PLEKHM2: variants seen among roughly 807,000 people sequenced by gnomAD.
The protein encoded by PLEKHM2 is pleckstrin homology domain-containing family M member 2.
In PLEKHM2, 77 loss-of-function variants were observed where a neutral mutation model predicts 116.3. The ratio of observed to expected loss-of-function variants is 0.66; its 90% CI spans 0.55 to 0.80. The LOEUF (loss-of-function observed/expected upper bound fraction) is 0.80. Ranked by LOEUF, PLEKHM2 falls within the 30% of genes least tolerant of loss-of-function variation. The probability of loss-of-function intolerance (pLI) is 0.00; values close to 1 mark genes in which losing one functional copy is unlikely to be tolerated. For synonymous variants in PLEKHM2, 562 were observed against 571.0 expected, an observed-to-expected ratio of 0.98 and a Z score of 0.22; for missense variants, 1,183 against 1,354.9, an observed-to-expected ratio of 0.87 and a Z score of 1.99.
intron 1 of PLEKHM2, among the ~76,000 whole-genome samples, chr1:15,695,764 A>G (rs1274786320): frequency 2.0e-5 from 3 of 152,132 alleles, no homozygotes; most frequent in South Asian, 4.2e-4. Context: ...TCAGCCTCCC[A>G]AAGTGCTGGG....
At chr1:15,725,772 C>T (rs2068056578) in intron 8 of PLEKHM2, 3 of 572,552 alleles carry the variant, frequency 5.2e-6, no homozygotes, top group Admixed American at 6.1e-5. Context: ...GCGGCTTCCA[C>T]AACAGACATT....
upstream of PLEKHM2, chr1:15,681,551 A>G (rs763890061): frequency 4.2e-6 from 2 of 477,182 alleles, no homozygotes; most frequent in Admixed American, 4.5e-5. Context: ...ATTCAACAGC[A>G]GAGAAGAATC....
At chr1:15,731,155 G>A (rs1250976294) in intron 15 of PLEKHM2, 37 bp from the exon 16 acceptor site, 1 of 1,512,068 alleles carries the variant, frequency 6.6e-7, no homozygotes, top group Admixed American at 1.9e-5. Context: ...CCAGTTCCTG[G>A]GACAGGCCTC....
At chr1:15,717,783 A>G in intron 3 of PLEKHM2, 110 bp from the exon 4 acceptor site, 1 of 689,300 alleles carries the variant, frequency 1.5e-6, no homozygotes, top group Non-Finnish European at 2.6e-6. Context: ...AGGCCACTGA[A>G]GTGCCTGGTC....
chr1:15,731,581 G>A (rs111761867), intron 16 of PLEKHM2, among the ~76,000 whole-genome samples: 6 of 152,310 alleles, frequency 3.9e-5, no homozygotes, highest in Admixed American at 6.5e-5. Flanking sequence ...GGAAGCATGC[G>A]TGAATGAATG....
intron 1 of PLEKHM2, among the ~76,000 whole-genome samples, chr1:15,712,436 A>G (rs1032262879): frequency 8.5e-5 from 13 of 152,184 alleles, no homozygotes; most frequent in Non-Finnish European, 1.9e-4. Flanking sequence ...TTGGCTCAGC[A>G]GTTCCCCTTG....
Position 15,721,247 on chromosome 1 carries a change from A to AC in PLEKHM2, c.653-78dup. On this transcript the variant is annotated intron_variant, in intron 6 of 19. Coordinates refer to ENST00000375799, the MANE Select transcript of PLEKHM2 (RefSeq NM_015164.4). The surrounding 1 kb of genome is among the most constrained non-coding windows in gnomAD (Gnocchi z 5.1). The stretch of plus-strand genomic sequence containing the variant: ...CTCCTATTTTCTCCCCATGTCTCCC[A>AC]CCCCATTTCCCCTCCCCTCCCTCCA... The AC allele has an allele frequency of 2.0e-5, 12 of 601,910 alleles. No individual in the cohort carries two copies. The highest frequency in any genetic ancestry group is 7.8e-5 in the East Asian group (2 of 25,694). The allele number at this position is 601,910 out of a possible 1,614,324, so 37.3% of individuals were successfully genotyped here. A position where few individuals can be genotyped will look rare whatever the true frequency, so the allele number is the denominator to read the frequency against.
intron 1 of PLEKHM2, among the ~76,000 whole-genome samples, chr1:15,690,529 A>T (rs937155714): frequency 3.3e-5 from 5 of 152,218 alleles, no homozygotes; most frequent in African/African-American, 1.2e-4. Flanking sequence ...TTTATTTACA[A>T]AAATAGGTAT....
chr1:15,682,277 C>T (rs1249275461), upstream of PLEKHM2, among the ~76,000 whole-genome samples: 3 of 151,550 alleles, frequency 2.0e-5, no homozygotes, highest in African/African-American at 7.3e-5. Context: ...GGCGAAACCC[C>T]GTCTCTACTA....
intron 7 of PLEKHM2, chr1:15,723,440 C>T (rs1553160497): frequency 1.4e-5 from 2 of 140,210 alleles, no homozygotes; most frequent in South Asian, 2.3e-4. Context: ...TATTAAAAGA[C>T]AGCAGACTTA....
At chr1:15,692,733 A>G (rs1195659515) in intron 1 of PLEKHM2, among the ~76,000 whole-genome samples, 1 of 149,072 alleles carries the variant, frequency 6.7e-6, no homozygotes, top group Admixed American at 6.8e-5. Flanking sequence ...CACTGTGTCC[A>G]TGCCCCATTC....
intron 1 of PLEKHM2, among the ~76,000 whole-genome samples, chr1:15,689,579 A>C (rs1640847144): frequency 6.6e-6 from 1 of 152,366 alleles, no homozygotes; most frequent in South Asian, 2.1e-4. Context: ...ATCAGCAGTG[A>C]GAACCTTCTA....
chr1:15,727,728 G>A lies in PLEKHM2; in HGVS notation c.1656G>A (p.Gln552=). 2 of 1,598,956 alleles carry A rather than the reference G, an allele frequency of 1.3e-6. No homozygotes were observed. Among genetic ancestry groups the A allele is most frequent in the South Asian group, 1.1e-5 (1 of 88,310 alleles). The change falls in exon 9 of 20, where the codon CAG becomes CAA. Residue 552 remains glutamine (Q), a synonymous_variant. Coordinates refer to ENST00000375799, the MANE Select transcript of PLEKHM2 (RefSeq NM_015164.4). This position sits in a 1 kb window ranked among gnomAD's most constrained non-coding sequence, Gnocchi z 7.5. ...CTGGGACCCAGGAGGTTCTCTGCCA[G>A]CTCAAGCGAGACCAGCCCAGCCCGT... The part of the protein sequence containing the change: ...PEPGTQEVLC[Q]LKRDQPSPCL...
At chr1:15,706,252 C>A (rs1487499805) in intron 1 of PLEKHM2, among the ~76,000 whole-genome samples, 2 of 152,158 alleles carry the variant, frequency 1.3e-5, no homozygotes, top group African/African-American at 4.8e-5. Flanking sequence ...TTGACCTCAT[C>A]TCATGCTGCT....
Position 15,725,402 on chromosome 1 carries a change from C to G in PLEKHM2, c.798C>G (p.Thr266=), listed in dbSNP as rs757482853. The G allele has an allele frequency of 6.4e-7, 1 of 1,553,194 alleles. No individual in the cohort carries two copies. Among genetic ancestry groups the G allele is most frequent in the African/African-American group, 1.4e-5 (1 of 73,228 alleles). Reference sequence around the variant, plus strand: ...GCAAGGCCTCCACCAGGAGCCCCACCCAGCGCCAGAACCCCTTCAACGAGG... The same window carrying G: ...GCAAGGCCTCCACCAGGAGCCCCACGCAGCGCCAGAACCCCTTCAACGAGG... ...TSSKASTRSP[T]QRQNPFNEEP... The change falls in exon 8 of 20, where the codon ACC becomes ACG. Residue 266 remains threonine, a synonymous_variant. Transcript: ENST00000375799.
At chr1:15,715,573 G>A (rs867278735) in intron 1 of PLEKHM2, among the ~76,000 whole-genome samples, 4 of 150,716 alleles carry the variant, frequency 2.7e-5, no homozygotes, top group African/African-American at 9.8e-5. Context: ...CCCAGGAGGC[G>A]GAGGCTGCAG....
intron 19 of PLEKHM2, 148 bp from the exon 20 acceptor site, chr1:15,733,649 G>C: frequency 1.2e-6 from 1 of 839,246 alleles, no homozygotes; most frequent in East Asian, 2.7e-5. Context: ...GGAGAAACTA[G>C]CAGCGTGGAA....
chr1:15,728,798 T>A lies in PLEKHM2; in HGVS notation c.1986+65T>A. The stretch of plus-strand genomic sequence containing the variant: ...CAGGGCTTCTCAAGCCACTTACCCA[T>A]AGAACTGCAGGGCGAGGCACGGCCC... On this transcript the variant is annotated intron_variant, in intron 12 of 19. Transcript: ENST00000375799. This position sits in a 1 kb window ranked among gnomAD's most constrained non-coding sequence, Gnocchi z 5.9. 1 of 1,431,224 alleles carries A rather than the reference T, an allele frequency of 7.0e-7. No individual in the cohort carries two copies. Among genetic ancestry groups the A allele is most frequent in the South Asian group, 1.2e-5 (1 of 82,614 alleles). 88.7% of individuals were successfully genotyped at this position (1,431,224 alleles called of 1,614,324 possible). A position where few individuals can be genotyped will look rare whatever the true frequency, so the allele number is the denominator to read the frequency against.
intron 7 of PLEKHM2, among the ~76,000 whole-genome samples, chr1:15,723,760 A>G (rs1462804975): frequency 4.6e-5 from 7 of 151,928 alleles, no homozygotes; most frequent in Non-Finnish European, 8.8e-5. Context: ...AAAAAAAAAA[A>G]AAAAAAAAAG....
Sources: gnomAD v4.1 joint callset for allele counts (sites outside exome capture counted in the v4.1 genomes callset) on GRCh38, gnomAD v4.1.1 for gene constraint, Gnocchi (gnomAD v3.1) non-coding constraint, MANE v1.5 for transcripts, NCBI Gene and HGNC (gene_info 2026-07-23, HGNC 2026-07-21) for gene names.